ARLN: variants seen among roughly 807,000 people sequenced by gnomAD.
ARLN encodes allregulin.
the ARLN span, chr4:119,297,214 T>C: frequency 6.6e-6 from 1 of 152,224 alleles, no homozygotes. Context: ...TGACAACACC[T>C]TAAAAGCATA....
At chr4:119,299,952 A>C in the ARLN span, among the ~76,000 whole-genome samples, 1 of 152,060 alleles carries the variant, frequency 6.6e-6, no homozygotes, top group African/African-American at 2.4e-5. Flanking sequence ...AATCACTACG[A>C]TCTCAATCTT....
At chr4:119,301,094 T>C in the ARLN span, among the ~76,000 whole-genome samples, 1 of 151,732 alleles carries the variant, frequency 6.6e-6, no homozygotes, top group Non-Finnish European at 1.5e-5. Flanking sequence ...CGTGAGCATT[T>C]TGCAGGTACT....
At chr4:119,301,505 C>T in the ARLN span, among the ~76,000 whole-genome samples, 1 of 152,042 alleles carries the variant, frequency 6.6e-6, no homozygotes, top group South Asian at 2.1e-4. Context: ...AGAATGCTAG[C>T]AGGAAGAAAA....
At chr4:119,301,811 A>G in the ARLN span, among the ~76,000 whole-genome samples, 1 of 152,238 alleles carries the variant, frequency 6.6e-6, no homozygotes, top group Non-Finnish European at 1.5e-5. Flanking sequence ...ATTAACTCCA[A>G]ATCCAGCACT....
the ARLN span, among the ~76,000 whole-genome samples, chr4:119,302,844 A>C: frequency 6.6e-6 from 1 of 152,220 alleles, no homozygotes; most frequent in South Asian, 2.1e-4. Context: ...AAGACGTTAC[A>C]GATCTTCTGA....
chr4:119,300,722 C>T, the ARLN span: 16,205 of 1,521,400 alleles, frequency 0.011, 99 homozygotes, highest in Non-Finnish European at 0.013. Context: ...CTTTCCGCTG[C>T]CTCCGTGACC....
chr4:119,303,600 T>C, the ARLN span, among the ~76,000 whole-genome samples: 1 of 152,208 alleles, frequency 6.6e-6, no homozygotes, highest in Non-Finnish European at 1.5e-5. Context: ...AGTTGTACTA[T>C]CTGCTGGGCG....
At chr4:119,304,417 T>C in the ARLN span, 1 of 1,536,062 alleles carries the variant, frequency 6.5e-7, no homozygotes, top group African/African-American at 1.4e-5. Flanking sequence ...TGGTCTCCTA[T>C]TAATGGGGCT....
the ARLN span, among the ~76,000 whole-genome samples, chr4:119,299,997 C>T: frequency 6.6e-6 from 1 of 152,014 alleles, no homozygotes; most frequent in Non-Finnish European, 1.5e-5. Flanking sequence ...ACTAATGGTC[C>T]CAAATGGCAG....
At chr4:119,300,504 C>T in the ARLN span, 1 of 1,614,158 alleles carries the variant, frequency 6.2e-7, no homozygotes, top group Admixed American at 1.7e-5. Context: ...GAGACCATCT[C>T]GACCATCAAC....
chr4:119,300,299 C>G, the ARLN span: 1 of 1,539,508 alleles, frequency 6.5e-7, no homozygotes, highest in East Asian at 2.3e-5. Context: ...GATCTCTAAG[C>G]TCCTTACCAC....
the ARLN span, chr4:119,300,407 G>C: frequency 6.2e-7 from 1 of 1,613,822 alleles, no homozygotes; most frequent in Non-Finnish European, 8.5e-7. Context: ...CCAACCAGTA[G>C]GAGTGTTTGG....
chr4:119,302,409 T>C, the ARLN span, among the ~76,000 whole-genome samples: 1 of 152,220 alleles, frequency 6.6e-6, no homozygotes, highest in Non-Finnish European at 1.5e-5. Flanking sequence ...CCACTGATTG[T>C]TGATTATTCC....
At chr4:119,304,146 C>A in the ARLN span, 1 of 775,184 alleles carries the variant, frequency 1.3e-6, no homozygotes, top group East Asian at 2.7e-5. Context: ...CTGTCCAAAT[C>A]CTACTCATCC....
chr4:119,296,528 G>C, the ARLN span: 3 of 152,182 alleles, frequency 2.0e-5, no homozygotes, highest in African/African-American at 4.8e-5. Context: ...CAATGGTGTA[G>C]TTCCAGTCCA....
chr4:119,304,250 G>T, the ARLN span: 1 of 1,533,020 alleles, frequency 6.5e-7, no homozygotes, highest in Non-Finnish European at 8.7e-7. Context: ...CATACCAATT[G>T]TGAAAACTTC....
chr4:119,299,197 C>T, the ARLN span, among the ~76,000 whole-genome samples: 3 of 152,190 alleles, frequency 2.0e-5, no homozygotes, highest in African/African-American at 7.2e-5. Context: ...AGCAATCCTC[C>T]TATTTCAGCT....
the ARLN span, among the ~76,000 whole-genome samples, chr4:119,301,902 A>T: frequency 6.6e-6 from 1 of 152,234 alleles, no homozygotes; most frequent in Admixed American, 6.5e-5. Context: ...CAAAGATAGT[A>T]TACGACCTTT....
the ARLN span, chr4:119,298,857 G>A: frequency 3.7e-5 from 26 of 710,036 alleles, no homozygotes; most frequent in Admixed American, 1.1e-4. Flanking sequence ...TTTACATATT[G>A]ATAAAAAGAA....
Sources: allele counts gnomAD v4.1 joint callset (sites outside exome capture counted in the v4.1 genomes callset), GRCh38; gene constraint gnomAD v4.1.1; transcripts MANE v1.5; gene names NCBI Gene and HGNC (gene_info 2026-07-23, HGNC 2026-07-21).